The following ANKS1B variants were observed in gnomAD, a reference collection of about 807,000 sequenced individuals.
ANKS1B encodes ankyrin repeat and sterile alpha motif domain containing 1B, also known as ankyrin repeat and sterile alpha motif domain-containing protein 1B.
Under a neutral mutation model 148.3 loss-of-function variants are expected in ANKS1B, and 36 were observed. That is an observed-to-expected ratio of 0.24 (90% CI 0.19 to 0.32). The LOEUF (loss-of-function observed/expected upper bound fraction) is 0.32, where lower values mean the gene tolerates loss of function less well. Among genes scored for constraint, ANKS1B ranks in the 10% least tolerant of loss-of-function variants. The probability of loss-of-function intolerance (pLI) is 1.00; values close to 1 mark genes in which losing one functional copy is unlikely to be tolerated. For missense variants in ANKS1B, 1,157 were observed against 1,542.6 expected, an observed-to-expected ratio of 0.75 and a Z score of 4.19; for synonymous variants, 542 against 560.8, an observed-to-expected ratio of 0.97 and a Z score of 0.47.
chr12:99,300,385 CA>C (rs1566840960), intron 12 of ANKS1B, among the ~76,000 whole-genome samples: 1 of 151,880 alleles, frequency 6.6e-6, no homozygotes, highest in Non-Finnish European at 1.5e-5. Flanking sequence ...ATGTAGATGA[CA>C]TGTTATGCTG....
chr12:99,055,469 G>A (rs1191637669), intron 16 of ANKS1B, among the ~76,000 whole-genome samples: 1 of 152,178 alleles, frequency 6.6e-6, no homozygotes, highest in African/African-American at 2.4e-5. Flanking sequence ...GTGCAATGGG[G>A]TTACCACAGG....
chr12:99,179,860 G>A (rs1196822643), intron 14 of ANKS1B, among the ~76,000 whole-genome samples: 1 of 152,116 alleles, frequency 6.6e-6, no homozygotes, highest in Non-Finnish European at 1.5e-5. Context: ...TGTGACTATT[G>A]TTATTTATTA....
At chr12:99,712,338 A>G (rs1567695778) in intron 8 of ANKS1B, among the ~76,000 whole-genome samples, 1 of 152,184 alleles carries the variant, frequency 6.6e-6, no homozygotes, top group Non-Finnish European at 1.5e-5. Context: ...GAACCTGTGA[A>G]TATTTTACCA....
At chr12:99,522,833 G>T (rs1330569951) in intron 9 of ANKS1B, among the ~76,000 whole-genome samples, 1 of 152,114 alleles carries the variant, frequency 6.6e-6, no homozygotes, top group Admixed American at 6.5e-5. Flanking sequence ...ATTAGTATTG[G>T]GAATGATCTG....
At chr12:99,830,336 C>T (rs925045698) in intron 1 of ANKS1B, among the ~76,000 whole-genome samples, 1 of 151,990 alleles carries the variant, frequency 6.6e-6, no homozygotes, top group African/African-American at 2.4e-5. Context: ...TAAATAAATG[C>T]TACAATAGAA....
chr12:99,513,271 C>T (rs1408491904), intron 9 of ANKS1B, among the ~76,000 whole-genome samples: 2 of 151,948 alleles, frequency 1.3e-5, no homozygotes, highest in Non-Finnish European at 2.9e-5. Flanking sequence ...TCATAAACTA[C>T]AGTATAGTGT....
intron 12 of ANKS1B, among the ~76,000 whole-genome samples, chr12:99,296,795 G>A (rs2080934040): frequency 6.6e-6 from 1 of 152,086 alleles, no homozygotes; most frequent in South Asian, 2.1e-4. Context: ...TCGAATGATT[G>A]ACTATTTGAC....
At chr12:98,755,691 T>C (rs1012290712) in intron 25 of ANKS1B, among the ~76,000 whole-genome samples, 2 of 152,216 alleles carry the variant, frequency 1.3e-5, no homozygotes, top group South Asian at 2.1e-4. Flanking sequence ...ATTTTATAGA[T>C]GAGGCAGTGG....
intron 8 of ANKS1B, among the ~76,000 whole-genome samples, chr12:99,727,629 G>GA (rs1200659687): frequency 3.3e-5 from 5 of 152,220 alleles, no homozygotes; most frequent in South Asian, 4.1e-4. Flanking sequence ...CACAGAATTA[G>GA]AAAAAACTAT....
intron 19 of ANKS1B, among the ~76,000 whole-genome samples, chr12:98,828,500 G>A (rs1400743025): frequency 6.6e-6 from 1 of 152,178 alleles, no homozygotes. Context: ...GAATCTCAGG[G>A]TGAAATGCGG....
chr12:99,799,950 T>A (rs920132373), intron 4 of ANKS1B, among the ~76,000 whole-genome samples: 24 of 152,094 alleles, frequency 1.6e-4, no homozygotes, highest in African/African-American at 4.3e-4. Context: ...GGAAAACCAA[T>A]AGAAGTGTTT....
rs140293892 is a variant in ANKS1B at position 99,107,873 on chromosome 12, AAG to A, written c.2527-22852_2527-22851del. On this transcript the variant is annotated intron_variant, in intron 15 of 26. Coordinates refer to ENST00000683438, the MANE Select transcript of ANKS1B (RefSeq NM_001352186.2). ...ATCTAGAGAACAGAAGTGCTAGACG[AAG>A]AGAGAAATAAACACACACAATAATT... 4.0e-3 allele frequency among the ~76,000 whole-genome samples: 599 copies of A among 151,640 alleles called. 25 individuals are homozygous for A. The East Asian group carries it at 0.086, about 22-fold the overall frequency.
intron 17 of ANKS1B, among the ~76,000 whole-genome samples, chr12:98,872,368 G>A (rs1266320081): frequency 2.0e-5 from 3 of 152,088 alleles, no homozygotes; most frequent in Non-Finnish European, 2.9e-5. Context: ...GTGAAACCCT[G>A]TCTCTACTAA....
intron 1 of ANKS1B, among the ~76,000 whole-genome samples, chr12:99,919,628 A>G (rs1376513719): frequency 6.6e-6 from 1 of 152,192 alleles, no homozygotes; most frequent in Non-Finnish European, 1.5e-5. Flanking sequence ...TCTCCAGGAT[A>G]CCATCAGAAC....
chr12:98,981,251 C>T (rs538809677), intron 17 of ANKS1B, among the ~76,000 whole-genome samples: 1 of 152,228 alleles, frequency 6.6e-6, no homozygotes, highest in African/African-American at 2.4e-5. Context: ...GATCCTCCCA[C>T]CTCAGCCTCC....
chr12:98,761,589 A>C (rs1381482716), intron 25 of ANKS1B, among the ~76,000 whole-genome samples: 2 of 151,982 alleles, frequency 1.3e-5, no homozygotes, highest in Non-Finnish European at 2.9e-5. Context: ...TATTTTCCCT[A>C]ATTCAGATTT....
intron 12 of ANKS1B, among the ~76,000 whole-genome samples, chr12:99,326,056 A>C (rs1199796378): frequency 1.3e-5 from 2 of 152,000 alleles, no homozygotes; most frequent in Non-Finnish European, 2.9e-5. Flanking sequence ...TAAACCATCA[A>C]ATCTCATGAG....
At chr12:99,783,787 T>C (rs2064650645) in intron 4 of ANKS1B, among the ~76,000 whole-genome samples, 1 of 152,000 alleles carries the variant, frequency 6.6e-6, no homozygotes, top group Non-Finnish European at 1.5e-5. Flanking sequence ...TACAGCTATA[T>C]AGGAGGAAGA....
In ANKS1B at chr12:99,437,855, A is replaced by G. The variant is rs985297302; in HGVS notation, c.1575+5818T>C. 7.6e-4 allele frequency among the ~76,000 whole-genome samples: 115 copies of G among 151,892 alleles called. 2 individuals carry two copies. The highest frequency in any genetic ancestry group is 2.8e-3 in the African/African-American group (115 of 41,454). On this transcript the variant is annotated intron_variant, in intron 11 of 26. Coordinates refer to ENST00000683438, the MANE Select transcript of ANKS1B (RefSeq NM_001352186.2). The stretch of plus-strand genomic sequence containing the variant: ...TCATACTGCCTTATTTCCTTTTACC[A>G]TCAAACTACTAAAAAGATTAGTCTA...
Sources: allele counts gnomAD v4.1 joint callset (sites outside exome capture counted in the v4.1 genomes callset), GRCh38; gene constraint gnomAD v4.1.1; transcripts MANE v1.5; gene names NCBI Gene and HGNC (gene_info 2026-07-23, HGNC 2026-07-21).